Variants in KIF26B observed in about 807,000 individuals in gnomAD.
KIF26B encodes the protein kinesin-like protein KIF26B.
Under a neutral mutation model 151.2 loss-of-function variants are expected in KIF26B, and 63 were observed. The ratio of observed to expected loss-of-function variants is 0.42; its 90% CI spans 0.34 to 0.51. KIF26B has a LOEUF of 0.51. KIF26B is among the 20% of genes least tolerant of loss of function. The pLI is 0.07. For missense variants in KIF26B, 2,813 were observed against 2,913.6 expected (o/e 0.97, Z 0.79); for synonymous variants, 1,357 against 1,262.1 (o/e 1.08, Z -1.59).
At chr1:245,539,161 T>C (rs1661547539) in intron 4 of KIF26B, among the ~76,000 whole-genome samples, 1 of 152,224 alleles carries the variant, frequency 6.6e-6, no homozygotes, top group Non-Finnish European at 1.5e-5. Flanking sequence ...TATTTCACTC[T>C]TGTGAAACAG....
rs143518974 is a variant in KIF26B at position 245,624,686 on chromosome 1, G to C, written c.2098+12710G>C. ...TGCAAATATTTTCTCTCAGTCTGTGGCTTCTCTCTTCATTCTCAACAGCAT... is the reference window on the plus strand; with the variant it reads ...TGCAAATATTTTCTCTCAGTCTGTGCCTTCTCTCTTCATTCTCAACAGCAT... On this transcript the variant is annotated intron_variant, in intron 9 of 14. Transcript: ENST00000407071. Among the ~76,000 whole-genome samples the C allele has an allele frequency of 3.9e-4, 59 of 152,214 alleles. No homozygotes were observed. In the East Asian group the frequency reaches 0.011, roughly 29 times the overall value.
chr1:245,213,082 G>GT, intron 2 of KIF26B, among the ~76,000 whole-genome samples: 1 of 152,196 alleles, frequency 6.6e-6, no homozygotes, highest in Non-Finnish European at 1.5e-5. Flanking sequence ...CCAGAGTGCT[G>GT]TTTTTTCCAA....
chr1:245,452,462 G>A (rs1452322706), intron 4 of KIF26B, among the ~76,000 whole-genome samples: 1 of 152,078 alleles, frequency 6.6e-6, no homozygotes, highest in Non-Finnish European at 1.5e-5. Flanking sequence ...ATAACTATGA[G>A]TGGAATTGCC....
chr1:245,296,437 C>T lies in KIF26B; in HGVS notation c.466-70397C>T, dbSNP rs531022227. Among the ~76,000 whole-genome samples the T allele has an allele frequency of 4.6e-5, 7 of 152,024 alleles. No homozygotes were observed. The South Asian group carries it at 8.3e-4, about 18-fold the overall frequency. On this transcript the variant is annotated intron_variant, in intron 2 of 14. Transcript: ENST00000407071. ...AGCAGAATAGTTCAGAGATGTGGGTCGTAATCTGAGTGGGGATATAAGGGC... is the reference window on the plus strand; with the variant it reads ...AGCAGAATAGTTCAGAGATGTGGGTTGTAATCTGAGTGGGGATATAAGGGC...
intron 2 of KIF26B, among the ~76,000 whole-genome samples, chr1:245,272,366 G>T (rs1333616738): frequency 2.0e-5 from 3 of 152,048 alleles, no homozygotes; most frequent in African/African-American, 7.3e-5. Flanking sequence ...TTCAAGACCA[G>T]CCTAGGCAAC....
intron 10 of KIF26B, among the ~76,000 whole-genome samples, chr1:245,683,980 C>T (rs571544090): frequency 2.6e-4 from 40 of 152,340 alleles, no homozygotes; most frequent in African/African-American, 8.4e-4. Flanking sequence ...CAGGAACATC[C>T]CATCACAGCC....
chr1:245,223,946 G>A (rs1669824049), intron 2 of KIF26B, among the ~76,000 whole-genome samples: 1 of 152,174 alleles, frequency 6.6e-6, no homozygotes, highest in Admixed American at 6.5e-5. Context: ...CAGAACAGAT[G>A]TGCATCTTTT....
At chr1:245,267,675 CACACACACAA>C (rs1196109114) in intron 2 of KIF26B, among the ~76,000 whole-genome samples, 2 of 114,948 alleles carry the variant, frequency 1.7e-5, no homozygotes, top group African/African-American at 3.9e-5. Flanking sequence ...CACACACACA[CACACACACAA>C]AAGGAGAAAA....
chr1:245,439,467 G>A (rs558575376), intron 4 of KIF26B, among the ~76,000 whole-genome samples: 3 of 152,222 alleles, frequency 2.0e-5, no homozygotes, highest in South Asian at 2.1e-4. Context: ...ATAAGTGGTC[G>A]TTTTCCTCTG....
intron 5 of KIF26B, among the ~76,000 whole-genome samples, chr1:245,545,147 G>C (rs1050636107): frequency 6.0e-5 from 9 of 150,906 alleles, no homozygotes; most frequent in African/African-American, 2.2e-4. Context: ...TGTCCCCCAG[G>C]CTGGAGTACA....
chr1:245,599,892 G>C (rs1218257580), intron 5 of KIF26B, among the ~76,000 whole-genome samples: 2 of 152,092 alleles, frequency 1.3e-5, no homozygotes, highest in Non-Finnish European at 2.9e-5. Flanking sequence ...TGTAGCGGCT[G>C]TGTGGGATTT....
chr1:245,693,847 G>A (rs1439272281), intron 12 of KIF26B, among the ~76,000 whole-genome samples: 1 of 152,224 alleles, frequency 6.6e-6, no homozygotes, highest in Non-Finnish European at 1.5e-5. Context: ...CCAGAGGAAG[G>A]CAAGCCGCTT....
At chr1:245,280,849 G>T (rs1671035769) in intron 2 of KIF26B, among the ~76,000 whole-genome samples, 2 of 100,548 alleles carry the variant, frequency 2.0e-5, no homozygotes, top group African/African-American at 8.4e-5. Context: ...GTGAGAATAT[G>T]CGGTGTTTGG....
chr1:245,219,038 G>C (rs1414442169), intron 2 of KIF26B, among the ~76,000 whole-genome samples: 1 of 149,660 alleles, frequency 6.7e-6, no homozygotes, highest in African/African-American at 2.4e-5. Context: ...AGAGTCAAGA[G>C]TGTCTTGTTC....
intron 4 of KIF26B, among the ~76,000 whole-genome samples, chr1:245,519,073 G>A (rs982728040): frequency 6.6e-6 from 1 of 152,156 alleles, no homozygotes; most frequent in African/African-American, 2.4e-5. Flanking sequence ...AATACACATA[G>A]GAAGTTATTT....
intron 2 of KIF26B, among the ~76,000 whole-genome samples, chr1:245,210,734 C>G (rs1428411091): frequency 6.6e-6 from 1 of 152,086 alleles, no homozygotes; most frequent in Non-Finnish European, 1.5e-5. Context: ...AGGCCCTGTC[C>G]TTGTGTGGGG....
chr1:245,290,228 C>G (rs1671233880), intron 2 of KIF26B, among the ~76,000 whole-genome samples: 1 of 152,074 alleles, frequency 6.6e-6, no homozygotes, highest in Admixed American at 6.6e-5. Context: ...GTCTGTCTCA[C>G]CTAGGTATAC....
At position 245,273,428 on chromosome 1, in the gene KIF26B, A is replaced by C. The variant is rs1355424581; in HGVS notation, c.466-93406A>C. On this transcript the variant is annotated intron_variant, in intron 2 of 14. Transcript: ENST00000407071. ...GCGAGACTTATCTCAAAAAAAAAAA[A>C]AAAAAAAAAAAAACCCCAAAAAACA... Among the ~76,000 whole-genome samples the C allele has an allele frequency of 5.3e-5, 8 of 151,812 alleles. No individual in the cohort carries two copies. The South Asian group carries it at 6.2e-4, about 12-fold the overall frequency.
chr1:245,316,570 T>A (rs56836278), intron 2 of KIF26B, among the ~76,000 whole-genome samples: 10,120 of 152,162 alleles, frequency 0.067, 391 homozygotes, highest in East Asian at 0.1. Context: ...CCTCTTTTAT[T>A]TTTTTTCTGA....
Sources: gnomAD v4.1 joint callset for allele counts (sites outside exome capture counted in the v4.1 genomes callset) on GRCh38, gnomAD v4.1.1 for gene constraint, MANE v1.5 for transcripts, NCBI Gene and HGNC (gene_info 2026-07-23, HGNC 2026-07-21) for gene names.